Variants in POLN observed in about 807,000 individuals in gnomAD.
POLN encodes DNA polymerase N.
Under a neutral mutation model 113.5 loss-of-function variants are expected in POLN, and 108 were observed. The observed-to-expected ratio is 0.95, with a 90% CI of 0.81 to 1.12. The LOEUF is 1.12. Among genes scored for constraint, POLN ranks in the 50% most tolerant of loss-of-function variants. The pLI is 0.00. For missense variants in POLN, 1,097 were observed against 1,077.1 expected (o/e 1.02, Z -0.26); for synonymous variants, 386 against 391.5 (o/e 0.99, Z 0.17).
chr4:2,221,312 A>C (rs1362880229), intron 3 of POLN, among the ~76,000 whole-genome samples: 1 of 152,052 alleles, frequency 6.6e-6, no homozygotes, highest in Non-Finnish European at 1.5e-5. Flanking sequence ...TTTTTTGCAG[A>C]GATAACTGTG....
chr4:2,098,600 C>G (rs1461901286), intron 19 of POLN, among the ~76,000 whole-genome samples: 1 of 152,176 alleles, frequency 6.6e-6, no homozygotes, highest in African/African-American at 2.4e-5. Context: ...TCAGTATGAA[C>G]TCATGATAAG....
chr4:2,114,938 T>C (rs1731280275), intron 19 of POLN, among the ~76,000 whole-genome samples: 1 of 151,942 alleles, frequency 6.6e-6, no homozygotes, highest in East Asian at 1.9e-4. Flanking sequence ...CCACTTTTTT[T>C]TTCCTTTGTA....
chr4:2,096,079 T>C (rs1449549731), intron 19 of POLN, 146 bp from the exon 20 acceptor site: 4 of 725,836 alleles, frequency 5.5e-6, no homozygotes, highest in Non-Finnish European at 9.7e-6. Flanking sequence ...AGGGGAGACA[T>C]TCCATACCTG....
chr4:2,185,447 C>G (rs10031061), intron 7 of POLN, among the ~76,000 whole-genome samples: 37,551 of 152,162 alleles, frequency 0.25, 7,158 homozygotes, highest in African/African-American at 0.51. Context: ...AGAGGCTTAA[C>G]AAATACAAGC....
chr4:2,140,260 T>C (rs1433058362), intron 16 of POLN, among the ~76,000 whole-genome samples: 1 of 152,062 alleles, frequency 6.6e-6, no homozygotes, highest in African/African-American at 2.4e-5. Context: ...CTCTTTTTAG[T>C]AGAGACGGGG....
At chr4:2,213,005 T>A (rs1259397516) in intron 4 of POLN, 42 bp downstream of exon 4, 1 of 1,400,974 alleles carries the variant, frequency 7.1e-7, no homozygotes. Flanking sequence ...ATTGAACAAA[T>A]AAGTTATCTA....
chr4:2,157,997 G>T, intron 14 of POLN, 86 bp from the exon 15 acceptor site: 2 of 1,043,870 alleles, frequency 1.9e-6, no homozygotes, highest in Non-Finnish European at 2.9e-6. Context: ...CATTGCCCAG[G>T]CTGGAGTGCA....
In POLN at chr4:2,213,048, T is replaced by A. The variant is rs1367150126; in HGVS notation, c.212A>T (p.Lys71Met). The change falls in exon 4 of 26, where the codon AAG (lysine) becomes ATG (methionine). Residue 71 changes from lysine (K) to methionine (M), a missense_variant and splice_region_variant. By Grantham distance (95) the Lys-to-Met change is moderately conservative (BLOSUM62 -1). Transcript: ENST00000511885. Reference sequence around the variant, plus strand: ...TTACTCATATGTGCAATGATTTACCTTTTTTTCTGGTGATTGAGTCTTCCT... The same window carrying A: ...TTACTCATATGTGCAATGATTTACCATTTTTTCTGGTGATTGAGTCTTCCT... ...EDRKTQSPEK[K>M]DLKSLRSQTS... The A allele has an allele frequency of 6.3e-7, 1 of 1,590,078 alleles. No homozygotes were observed. Among genetic ancestry groups the A allele is most frequent in the African/African-American group, 1.3e-5 (1 of 74,210 alleles).
chr4:2,218,720 G>C (rs1426730031), intron 3 of POLN, among the ~76,000 whole-genome samples: 1 of 152,204 alleles, frequency 6.6e-6, no homozygotes, highest in Non-Finnish European at 1.5e-5. Context: ...TTTCTGCAGG[G>C]ATGGAAAAGA....
intron 20 of POLN, among the ~76,000 whole-genome samples, chr4:2,094,363 C>CAAAAAAAAGAAAAA (rs1730734141): frequency 1.9e-5 from 1 of 53,364 alleles, no homozygotes; most frequent in Non-Finnish European, 3.1e-5. Flanking sequence ...GTTCTGTCTC[C>CAAAAAAAAGAAAAA]AAAAAAAAAA....
chr4:2,100,006 G>T (rs1730884649), intron 19 of POLN, among the ~76,000 whole-genome samples: 1 of 151,038 alleles, frequency 6.6e-6, no homozygotes, highest in Non-Finnish European at 1.5e-5. Flanking sequence ...GGAGGCTGAG[G>T]CTGCAGTGAG....
chr4:2,193,318 T>C lies in POLN; in HGVS notation c.909-2A>G, dbSNP rs748806933. On this transcript the variant is annotated splice_acceptor_variant, in intron 6 of 25. Coordinates refer to ENST00000511885, the MANE Select transcript of POLN (RefSeq NM_181808.4). LOFTEE classifies it high-confidence loss of function. ...TTCATTGTTTGAAATAGCACGTTCC[T>C]AGAAGATGAAAAGAAATTCACTGAT... is the stretch of plus-strand genomic sequence containing the variant. 1.9e-6 allele frequency: 3 copies of C among 1,561,112 alleles called. No homozygotes were observed. The highest frequency in any genetic ancestry group is 2.8e-5 in the African/African-American group (2 of 71,378).
rs761264761 is a variant in POLN at position 2,128,077 on chromosome 4, G to A, written c.1982+36C>T. 5 of 1,329,084 alleles carry A rather than the reference G, an allele frequency of 3.8e-6. No individual in the cohort carries two copies. In the African/African-American group the frequency reaches 5.8e-5, roughly 15 times the overall value. The allele number at this position is 1,329,084 out of a possible 1,614,324, so 82.3% of individuals were successfully genotyped here. ...CTTTTAAACTCATGTTGGCCTTCCT[G>A]CAGATCTGATAATATTGTGAGTTCA... On this transcript the variant is annotated intron_variant, in intron 19 of 25. Coordinates refer to ENST00000511885, the MANE Select transcript of POLN (RefSeq NM_181808.4).
chr4:2,181,701 G>A (rs993208273), intron 7 of POLN, among the ~76,000 whole-genome samples: 3 of 152,090 alleles, frequency 2.0e-5, no homozygotes, highest in South Asian at 2.1e-4. Flanking sequence ...ACTTTAGGCC[G>A]GGCATGGTGG....
intron 6 of POLN, among the ~76,000 whole-genome samples, chr4:2,197,766 T>C (rs1359513291): frequency 6.6e-6 from 1 of 152,204 alleles, no homozygotes; most frequent in Non-Finnish European, 1.5e-5. Flanking sequence ...CAGAGCCCAG[T>C]GAGCCTGTAT....
chr4:2,095,644 C>G (rs1730770411), intron 20 of POLN, among the ~76,000 whole-genome samples: 3 of 152,192 alleles, frequency 2.0e-5, no homozygotes, highest in Admixed American at 6.5e-5. Flanking sequence ...AGCTCCGCGG[C>G]CTCCCCTGAG....
intron 13 of POLN, among the ~76,000 whole-genome samples, chr4:2,159,854 C>A (rs771903188): frequency 3.9e-5 from 6 of 152,138 alleles, no homozygotes; most frequent in Non-Finnish European, 7.3e-5. Context: ...GTGTAGTATT[C>A]AAGTGCATGA....
intron 11 of POLN, among the ~76,000 whole-genome samples, chr4:2,171,435 C>T (rs1408615461): frequency 6.7e-6 from 1 of 149,704 alleles, no homozygotes; most frequent in African/African-American, 2.5e-5. Flanking sequence ...GTGGTACACA[C>T]CTGTGGTCCT....
chr4:2,075,476 C>T lies in POLN; in HGVS notation c.2431G>A (p.Asp811Asn), dbSNP rs752597374. The change falls in exon 24 of 26, where the codon GAT (aspartate) becomes AAT (asparagine). Residue 811 changes from aspartate (D) to asparagine (N), a missense_variant. Transcript: ENST00000511885. Reference sequence around the variant, plus strand: ...CCTGCACACTCCGGGATCTGCGGATCTTCCACTTCAAACAGCAGCTCATCA... The same window carrying T: ...CCTGCACACTCCGGGATCTGCGGATTTTCCACTTCAAACAGCAGCTCATCA... ...IHDELLFEVE[D>N]PQIPECAALV... is the part of the protein sequence containing the mutation. 1 of 1,613,560 alleles carries T rather than the reference C, an allele frequency of 6.2e-7. No individual in the cohort carries two copies.
Sources: allele counts gnomAD v4.1 joint callset (sites outside exome capture counted in the v4.1 genomes callset), GRCh38; gene constraint gnomAD v4.1.1; transcripts MANE v1.5; gene names NCBI Gene and HGNC (gene_info 2026-07-23, HGNC 2026-07-21).